SPMIP9: variants seen among roughly 807,000 people sequenced by gnomAD.
SPMIP9 encodes protein SPMIP9.
chr2:88,526,204 A>C, the SPMIP9 span, among the ~76,000 whole-genome samples: 1 of 152,152 alleles, frequency 6.6e-6, no homozygotes, highest in Non-Finnish European at 1.5e-5. Flanking sequence ...AGGCCCATGC[A>C]AGTGGGAGGA....
the SPMIP9 span, chr2:88,526,556 G>C: frequency 7.7e-7 from 1 of 1,303,348 alleles, no homozygotes. Flanking sequence ...CCTCTCTGTT[G>C]CTTCATTTGT....
chr2:88,528,138 CTTTTTTT>C, the SPMIP9 span, among the ~76,000 whole-genome samples: 1 of 135,524 alleles, frequency 7.4e-6, no homozygotes. Context: ...AGCATTTTCC[CTTTTTTT>C]TTTTTTTTTT....
the SPMIP9 span, chr2:88,526,306 A>G: frequency 1.1e-6 from 1 of 903,580 alleles, no homozygotes; most frequent in Non-Finnish European, 1.8e-6. Context: ...CAGGCCCCAA[A>G]GTCGGCCTTT....
chr2:88,525,348 C>T, the SPMIP9 span, among the ~76,000 whole-genome samples: 1 of 152,154 alleles, frequency 6.6e-6, no homozygotes, highest in African/African-American at 2.4e-5. Context: ...CTTCACTTGC[C>T]CTAGGATCAG....
chr2:88,529,012 C>T, the SPMIP9 span: 1 of 1,570,232 alleles, frequency 6.4e-7, no homozygotes, highest in South Asian at 1.2e-5. Flanking sequence ...CATCTCTTGT[C>T]TCTCTCACCC....
At chr2:88,525,772 G>C in the SPMIP9 span, 1 of 1,194,380 alleles carries the variant, frequency 8.4e-7, no homozygotes, top group Non-Finnish European at 1.2e-6. Context: ...TCATCTTTCT[G>C]TAATGATAGT....
chr2:88,526,495 G>A, the SPMIP9 span: 2 of 1,613,354 alleles, frequency 1.2e-6, no homozygotes, highest in Non-Finnish European at 1.7e-6. Flanking sequence ...CACGCCGCAA[G>A]AGGTAGGAAG....
the SPMIP9 span, among the ~76,000 whole-genome samples, chr2:88,526,127 A>C: frequency 6.6e-6 from 1 of 152,114 alleles, no homozygotes; most frequent in African/African-American, 2.4e-5. Context: ...GAGGATAGGT[A>C]GGAGTTTGCT....
At chr2:88,525,136 G>C in the SPMIP9 span, among the ~76,000 whole-genome samples, 1 of 152,208 alleles carries the variant, frequency 6.6e-6, no homozygotes, top group Non-Finnish European at 1.5e-5. Flanking sequence ...GCCTGGTTCA[G>C]AGGAACATGT....
the SPMIP9 span, chr2:88,525,764 A>G: frequency 2.3e-6 from 3 of 1,307,892 alleles, no homozygotes; most frequent in East Asian, 6.9e-5. Flanking sequence ...CTAGAAGCTC[A>G]TCTTTCTGTA....
the SPMIP9 span, among the ~76,000 whole-genome samples, chr2:88,528,641 C>G: frequency 1.3e-5 from 2 of 152,106 alleles, no homozygotes; most frequent in African/African-American, 4.8e-5. Flanking sequence ...AAAAAAAGAT[C>G]TAAACAAACA....
At chr2:88,525,768 T>C in the SPMIP9 span, 1 of 1,285,590 alleles carries the variant, frequency 7.8e-7, no homozygotes, top group Non-Finnish European at 1.1e-6. Flanking sequence ...AAGCTCATCT[T>C]TCTGTAATGA....
the SPMIP9 span, chr2:88,525,780 A>T: frequency 2.7e-6 from 3 of 1,121,950 alleles, no homozygotes; most frequent in Non-Finnish European, 3.9e-6. Context: ...CTGTAATGAT[A>T]GTTTTGGGTT....
At chr2:88,526,462 A>G in the SPMIP9 span, 2 of 1,614,152 alleles carry the variant, frequency 1.2e-6, no homozygotes, top group Admixed American at 3.3e-5. Context: ...TCAGCCCTAC[A>G]GGAAGCACAA....
At chr2:88,526,434 C>T in the SPMIP9 span, 47 of 1,614,026 alleles carry the variant, frequency 2.9e-5, no homozygotes, top group East Asian at 1.0e-3. Flanking sequence ...TATACCAAAG[C>T]TCCCACATGG....
chr2:88,526,901 C>T, the SPMIP9 span, among the ~76,000 whole-genome samples: 39 of 152,232 alleles, frequency 2.6e-4, no homozygotes, highest in Non-Finnish European at 5.0e-4. Flanking sequence ...CTCCTGACCT[C>T]GTGATCCACC....
the SPMIP9 span, among the ~76,000 whole-genome samples, chr2:88,528,323 A>G: frequency 1.3e-5 from 2 of 151,998 alleles, no homozygotes; most frequent in Non-Finnish European, 2.9e-5. Flanking sequence ...TTTTTAGTAG[A>G]GATGAGGTTT....
At chr2:88,526,467 G>A in the SPMIP9 span, 11 of 1,614,092 alleles carry the variant, frequency 6.8e-6, no homozygotes, top group Non-Finnish European at 8.5e-6. Flanking sequence ...CCTACAGGAA[G>A]CACAAATACT....
chr2:88,526,815 C>A, the SPMIP9 span, among the ~76,000 whole-genome samples: 3 of 152,114 alleles, frequency 2.0e-5, no homozygotes, highest in Admixed American at 2.0e-4. Context: ...ATTACAGGTG[C>A]CTGCCACTGC....
Sources: gnomAD v4.1 joint callset for allele counts (sites outside exome capture counted in the v4.1 genomes callset) on GRCh38, gnomAD v4.1.1 for gene constraint, MANE v1.5 for transcripts, NCBI Gene and HGNC (gene_info 2026-07-23, HGNC 2026-07-21) for gene names.